The following ZFAND5 variants were observed in gnomAD, a reference collection of about 807,000 sequenced individuals.
The protein encoded by ZFAND5 is AN1-type zinc finger protein 5.
In ZFAND5, 4 loss-of-function variants were observed where a neutral mutation model predicts 23.6. The ratio of observed to expected loss-of-function variants is 0.17; its 90% confidence interval spans 0.08 to 0.39. The LOEUF (loss-of-function observed/expected upper bound fraction) is 0.39, where lower values mean the gene tolerates loss of function less well. ZFAND5 is among the 10% of genes least tolerant of loss of function. The probability of loss-of-function intolerance (pLI) is 1.00; values close to 1 mark genes in which losing one functional copy is unlikely to be tolerated. For missense variants in ZFAND5, 161 were observed against 253.7 expected (o/e 0.63, Z 2.48); for synonymous variants, 68 against 80.6 (o/e 0.84, Z 0.84).
Position 72,351,590 on chromosome 9 carries a change from CTT to C in ZFAND5, c.*4361_*4362del, listed in dbSNP as rs1554695352. ...AATGGCACTTTTGTATTCTGTTGTA[CTT>C]TTTTTTTTTTTTTTACATTTGCTAC... On this transcript the variant is annotated 3_prime_UTR_variant, in exon 7 of 7. Coordinates refer to ENST00000376962, the MANE Select transcript of ZFAND5 (RefSeq NM_001102420.3). 7.1e-6 allele frequency: 1 copy of C among 140,308 alleles called. No individual in the cohort carries two copies. The highest frequency in any genetic ancestry group is 2.7e-5 in the African/African-American group (1 of 37,032). The allele number at this position is 140,308 out of a possible 1,614,324, so 8.7% of individuals were successfully genotyped here.
At chr9:72,359,651 GT>G in intron 4 of ZFAND5, 130 bp from the exon 5 acceptor site, 2 of 877,550 alleles carry the variant, frequency 2.3e-6, no homozygotes, top group Non-Finnish European at 3.3e-6. Flanking sequence ...ATAATCTAAA[GT>G]TTAAAAAAAA....
chr9:72,357,467 A>T (rs892727547), intron 5 of ZFAND5, among the ~76,000 whole-genome samples: 2 of 152,194 alleles, frequency 1.3e-5, no homozygotes, highest in Non-Finnish European at 2.9e-5. Context: ...CACAGTAAAT[A>T]ACAGTAGCCA....
In ZFAND5 at chr9:72,353,819, T is replaced by C. The variant is rs943400077; in HGVS notation, c.*2134A>G. The C allele has an allele frequency of 2.0e-5, 3 of 152,310 alleles. No homozygotes were observed. Among genetic ancestry groups the C allele is most frequent in the Admixed American group, 1.3e-4 (2 of 15,294 alleles). The allele number at this position is 152,310 out of a possible 1,614,324, so 9.4% of individuals were successfully genotyped here. A position where few individuals can be genotyped will look rare whatever the true frequency, so the allele number is the denominator to read the frequency against. Reference sequence around the variant, plus strand: ...TTTTCAACTCAATTGTGACTTTTCATATTCAGAGAAATACTACCCTATGTC... The same window carrying C: ...TTTTCAACTCAATTGTGACTTTTCACATTCAGAGAAATACTACCCTATGTC... On this transcript the variant is annotated 3_prime_UTR_variant, in exon 7 of 7. Transcript: ENST00000376962.
intron 2 of ZFAND5, 135 bp from the exon 3 acceptor site, chr9:72,360,922 G>T: frequency 1.3e-6 from 1 of 762,750 alleles, no homozygotes; most frequent in South Asian, 3.7e-5. Flanking sequence ...AAAAGGGTGG[G>T]CAGAGATAAT....
At chr9:72,357,193 A>C in intron 5 of ZFAND5, 137 bp from the exon 6 acceptor site, 1 of 1,061,134 alleles carries the variant, frequency 9.4e-7, no homozygotes, top group Non-Finnish European at 1.3e-6. Flanking sequence ...ACAAGCTTTA[A>C]ACAGAATCTT....
At chr9:72,363,431 T>G (rs767749227) in intron 2 of ZFAND5, 39 bp downstream of exon 2, 1 of 155,720 alleles carries the variant, frequency 6.4e-6, no homozygotes, top group Non-Finnish European at 1.4e-5. Flanking sequence ...TTCTTTCAGG[T>G]GCACATGATG....
chr9:72,356,878 GCTC>G, intron 6 of ZFAND5, 50 bp downstream of exon 6: 1 of 1,599,338 alleles, frequency 6.3e-7, no homozygotes, highest in South Asian at 1.1e-5. Context: ...GTGACCAAAA[GCTC>G]CTTGTTAACT....
intron 6 of ZFAND5, 107 bp from the exon 7 acceptor site, chr9:72,356,208 TA>T: frequency 1.6e-5 from 21 of 1,349,048 alleles, no homozygotes; most frequent in Non-Finnish European, 2.1e-5. Context: ...CTTTGTAACA[TA>T]AAAGACAGTG....
chr9:72,359,581 A>AT (rs1277024142), intron 4 of ZFAND5, 60 bp from the exon 5 acceptor site: 13 of 1,434,860 alleles, frequency 9.1e-6, no homozygotes, highest in African/African-American at 7.2e-5. Context: ...GAGACAATGA[A>AT]TAAGTTGTCA....
At position 72,354,350 on chromosome 9, in the gene ZFAND5, C is replaced by T. The variant is rs1172971735; in HGVS notation, c.*1603G>A. 1.3e-5 allele frequency: 2 copies of T among 152,344 alleles called. No individual in the cohort carries two copies. The highest frequency in any genetic ancestry group is 2.9e-5 in the Non-Finnish European group (2 of 68,034). 9.4% of individuals were successfully genotyped at this position (152,344 alleles called of 1,614,324 possible). A position where few individuals can be genotyped will look rare whatever the true frequency, so the allele number is the denominator to read the frequency against. On this transcript the variant is annotated 3_prime_UTR_variant, in exon 7 of 7. Transcript: ENST00000376962. ...CTCTTGATTATCACTTGAACAAGTT[C>T]AGCGATGGCAAAGGAAAAAAAATTA...
chr9:72,359,316 C>G (rs1564307312), intron 5 of ZFAND5, 102 bp downstream of exon 5: 1 of 1,107,864 alleles, frequency 9.0e-7, no homozygotes, highest in Non-Finnish European at 1.3e-6. Flanking sequence ...TTATGGCTCT[C>G]CCTCCTCTTT....
chr9:72,361,301 T>C (rs1842091552), intron 2 of ZFAND5, among the ~76,000 whole-genome samples: 1 of 152,230 alleles, frequency 6.6e-6, no homozygotes, highest in Non-Finnish European at 1.5e-5. Flanking sequence ...GCAGAGCATC[T>C]GTACTTTTTA....
At chr9:72,361,831 G>GTA (rs1247005056) in intron 2 of ZFAND5, among the ~76,000 whole-genome samples, 1 of 152,178 alleles carries the variant, frequency 6.6e-6, no homozygotes, top group Non-Finnish European at 1.5e-5. Flanking sequence ...TCTTAAACAT[G>GTA]TATAAGCATA....
chr9:72,357,177 G>T, intron 5 of ZFAND5, 121 bp from the exon 6 acceptor site: 1 of 1,180,914 alleles, frequency 8.5e-7, no homozygotes, highest in Non-Finnish European at 1.2e-6. Flanking sequence ...AGTATTCCTT[G>T]AAAATACAAG....
intron 2 of ZFAND5, among the ~76,000 whole-genome samples, chr9:72,362,648 T>C (rs545013132): frequency 5.3e-5 from 8 of 152,186 alleles, no homozygotes; most frequent in Non-Finnish European, 1.0e-4. Flanking sequence ...TTCATTTCAT[T>C]ATAAATAACT....
At chr9:72,359,943 G>T (rs1842050704) in intron 4 of ZFAND5, among the ~76,000 whole-genome samples, 167 bp downstream of exon 4, 1 of 152,204 alleles carries the variant, frequency 6.6e-6, no homozygotes, top group African/African-American at 2.4e-5. Context: ...GGAGTCAGGT[G>T]TAAGTAACAC....
chr9:72,352,337 A>G lies in ZFAND5; in HGVS notation c.*3616T>C, dbSNP rs548112092. 6.6e-6 allele frequency: 1 copy of G among 152,314 alleles called. No individual in the cohort carries two copies. Among genetic ancestry groups the G allele is most frequent in the South Asian group, 2.1e-4 (1 of 4,822 alleles). The allele number at this position is 152,314 out of a possible 1,614,324, so 9.4% of individuals were successfully genotyped here. Reference sequence around the variant, plus strand: ...CAAACAAAACAAAACAAAAACAGACAAGAGTCAAATCAAGTCTTTGTACAT... The same window carrying G: ...CAAACAAAACAAAACAAAAACAGACGAGAGTCAAATCAAGTCTTTGTACAT... On this transcript the variant is annotated 3_prime_UTR_variant, in exon 7 of 7. Coordinates refer to ENST00000376962, the MANE Select transcript of ZFAND5 (RefSeq NM_001102420.3).
chr9:72,358,071 A>C (rs924086668), intron 5 of ZFAND5, among the ~76,000 whole-genome samples: 12 of 152,194 alleles, frequency 7.9e-5, no homozygotes, highest in African/African-American at 2.4e-4. Context: ...CAAATATGCC[A>C]GCACCAATGC....
At chr9:72,362,286 T>G (rs1290525747) in intron 2 of ZFAND5, among the ~76,000 whole-genome samples, 2 of 152,142 alleles carry the variant, frequency 1.3e-5, no homozygotes, top group Admixed American at 6.5e-5. Context: ...TTCAGCTGGG[T>G]TTTTAAATGA....
Sources: allele counts gnomAD v4.1 joint callset (sites outside exome capture counted in the v4.1 genomes callset), GRCh38; gene constraint gnomAD v4.1.1; transcripts MANE v1.5; gene names NCBI Gene and HGNC (gene_info 2026-07-23, HGNC 2026-07-21).